Variants in CEP290 observed in about 807,000 individuals in gnomAD.
CEP290 encodes centrosomal protein of 290 kDa.
CEP290 carries 317 observed loss-of-function variants against 344.9 expected under a neutral mutation model. That is an observed-to-expected ratio of 0.92 (90% CI 0.84 to 1.01). CEP290 has a LOEUF of 1.01. CEP290 is among the 50% of genes least tolerant of loss of function. CEP290 has a pLI of 0.00. For missense variants in CEP290, 2,754 were observed against 2,761.4 expected (o/e 1.00, Z 0.06); for synonymous variants, 932 against 895.8 (o/e 1.04, Z -0.72).
At position 88,128,965 on chromosome 12, in the gene CEP290, G is replaced by T; in HGVS notation, c.923C>A (p.Ala308Glu). The change falls in exon 11 of 54, where the codon GCA becomes GAA. Residue 308 changes from alanine (A) to glutamate (E), a missense_variant. Ala to Glu is a moderately radical substitution (Grantham distance 107, BLOSUM62 -1). Coordinates refer to ENST00000552810, the MANE Select transcript of CEP290 (RefSeq NM_025114.4). ...AAATACCTTCCATTCTTCTACTTTT[G>T]CATTGACAGCTACCATAATTGGATC... The part of the protein sequence containing the change: ...EDDPIMVAVN[A>E]KVEEWKLILS... 1 of 1,526,644 alleles carries T rather than the reference G, an allele frequency of 6.6e-7. No individual in the cohort carries two copies. 94.6% of individuals were successfully genotyped at this position (1,526,644 alleles called of 1,614,324 possible). A position where few individuals can be genotyped will look rare whatever the true frequency, so the allele number is the denominator to read the frequency against.
At chr12:88,122,617 G>A (rs1265558587) in intron 13 of CEP290, among the ~76,000 whole-genome samples, 7 of 152,008 alleles carry the variant, frequency 4.6e-5, no homozygotes, top group South Asian at 2.1e-4. Flanking sequence ...ATATAACTAC[G>A]GACTGACTAA....
intron 26 of CEP290, among the ~76,000 whole-genome samples, chr12:88,100,133 G>C (rs2037762641): frequency 6.6e-6 from 1 of 151,888 alleles, no homozygotes; most frequent in Non-Finnish European, 1.5e-5. Flanking sequence ...AGCCGGCCGT[G>C]CTGGTGGGCA....
chr12:88,058,617 CT>C, intron 49 of CEP290: 1 of 546,992 alleles, frequency 1.8e-6, no homozygotes, highest in Non-Finnish European at 3.2e-6. Flanking sequence ...AGCCCCAGCT[CT>C]ACACTGTTCC....
At chr12:88,050,306 T>C (rs755267709) in intron 53 of CEP290, 48 bp downstream of exon 53, 3 of 903,240 alleles carry the variant, frequency 3.3e-6, no homozygotes, top group Non-Finnish European at 5.3e-6. Flanking sequence ...AAAATAGTTT[T>C]CAACAGCTGT....
chr12:88,118,950 A>G (rs1207812039), intron 15 of CEP290, among the ~76,000 whole-genome samples: 1 of 152,212 alleles, frequency 6.6e-6, no homozygotes, highest in Admixed American at 6.5e-5. Context: ...CCTAACAAAA[A>G]CCTAAATGAA....
intron 17 of CEP290, among the ~76,000 whole-genome samples, chr12:88,117,622 C>CA (rs34270678): frequency 6.6e-6 from 1 of 152,110 alleles, no homozygotes; most frequent in African/African-American, 2.4e-5. Flanking sequence ...GGTCTTCTTA[C>CA]AAAAAAGCAC....
chr12:88,141,108 A>G, intron 2 of CEP290, 75 bp from the exon 3 acceptor site: 1 of 1,324,382 alleles, frequency 7.6e-7, no homozygotes, highest in South Asian at 1.6e-5. Flanking sequence ...CCAGATTGTG[A>G]CAATTATAGT....
chr12:88,140,575 T>C (rs2040589651), intron 3 of CEP290, among the ~76,000 whole-genome samples: 1 of 152,214 alleles, frequency 6.6e-6, no homozygotes, highest in South Asian at 2.1e-4. Flanking sequence ...TACCACTGCA[T>C]TGCCTTCCAC....
chr12:88,074,466 C>A (rs990574783), intron 41 of CEP290, among the ~76,000 whole-genome samples: 22 of 152,234 alleles, frequency 1.4e-4, no homozygotes, highest in Middle Eastern at 6.8e-3. Flanking sequence ...AATTGAAAAA[C>A]AGAAAAACAA....
intron 14 of CEP290, 134 bp downstream of exon 14, chr12:88,120,863 A>C: frequency 1.4e-6 from 1 of 734,794 alleles, no homozygotes; most frequent in South Asian, 2.3e-5. Context: ...TTTAGTATAA[A>C]TTAATGAGGA....
At chr12:88,053,065 G>C (rs1049227158) in intron 52 of CEP290, among the ~76,000 whole-genome samples, 3 of 152,134 alleles carry the variant, frequency 2.0e-5, no homozygotes, top group Admixed American at 2.0e-4. Flanking sequence ...CTTTAGTGAG[G>C]AGGTGATTTA....
chr12:88,078,941 G>T, intron 39 of CEP290, 151 bp downstream of exon 39: 1 of 532,900 alleles, frequency 1.9e-6, no homozygotes, highest in Non-Finnish European at 3.0e-6. Flanking sequence ...GAGACTTATT[G>T]TTGAAAAATG....
chr12:88,054,439 G>A, intron 50 of CEP290, 26 bp from the exon 51 acceptor site: 1 of 1,504,514 alleles, frequency 6.6e-7, no homozygotes, highest in Non-Finnish European at 9.2e-7. Context: ...AAAGTTAGAA[G>A]ATAAGGTTTG....
chr12:88,139,358 AT>A (rs2040511915), intron 4 of CEP290, 136 bp downstream of exon 4: 1 of 526,832 alleles, frequency 1.9e-6, no homozygotes, highest in African/African-American at 2.0e-5. Context: ...GTCTAGAAAT[AT>A]TTATTATTAA....
In CEP290 at chr12:88,088,972, G is replaced by A. The variant is rs190284476; in HGVS notation, c.4029+60C>T. ...GCTATGTTTGCACCACTGAACTCCA[G>A]CCTGGGAAACAGATCAAGATACTGT... On this transcript the variant is annotated intron_variant, in intron 31 of 53. Transcript: ENST00000552810. 34 of 1,259,258 alleles carry A rather than the reference G, an allele frequency of 2.7e-5. No individual in the cohort carries two copies. In the African/African-American group the frequency reaches 3.8e-4, roughly 14 times the overall value. The allele number at this position is 1,259,258 out of a possible 1,614,324, so 78.0% of individuals were successfully genotyped here. A position where few individuals can be genotyped will look rare whatever the true frequency, so the allele number is the denominator to read the frequency against.
Position 88,081,758 on chromosome 12 carries a change from C to CA in CEP290, c.5012+1272dup, listed in dbSNP as rs1379213042. Among the ~76,000 whole-genome samples, 46 of 151,962 alleles carry CA rather than the reference C, an allele frequency of 3.0e-4. 1 individual carries two copies. Among genetic ancestry groups the CA allele is most frequent in the African/African-American group, 1.0e-3 (42 of 41,472 alleles). On this transcript the variant is annotated intron_variant, in intron 37 of 53. Coordinates refer to ENST00000552810, the MANE Select transcript of CEP290 (RefSeq NM_025114.4). ...CAATAACTTCAAGTATTTCCTGTGG[C>CA]AAAAAAATGTATTATATAAGGTATT...
chr12:88,087,544 C>G (rs2036677111), intron 32 of CEP290, among the ~76,000 whole-genome samples: 1 of 151,584 alleles, frequency 6.6e-6, no homozygotes, highest in Non-Finnish European at 1.5e-5. Flanking sequence ...TATGGTGAAA[C>G]CCCGTCTCTA....
chr12:88,057,317 A>T (rs1007886430), intron 49 of CEP290, among the ~76,000 whole-genome samples: 9 of 152,196 alleles, frequency 5.9e-5, no homozygotes, highest in Non-Finnish European at 8.8e-5. Flanking sequence ...GCTTTTAAAA[A>T]ATAATATCCA....
chr12:88,130,218 A>T, intron 9 of CEP290, 50 bp downstream of exon 9: 1 of 1,506,604 alleles, frequency 6.6e-7, no homozygotes, highest in Non-Finnish European at 8.9e-7. Flanking sequence ...TTGTAATGAA[A>T]TTAAAGTTTT....
Sources: gnomAD v4.1 joint callset for allele counts (sites outside exome capture counted in the v4.1 genomes callset) on GRCh38, gnomAD v4.1.1 for gene constraint, MANE v1.5 for transcripts, NCBI Gene and HGNC (gene_info 2026-07-23, HGNC 2026-07-21) for gene names.